MARCHF10: variants seen among roughly 807,000 people sequenced by gnomAD.
The protein encoded by MARCHF10 is probable E3 ubiquitin-protein ligase MARCHF10.
Under a neutral mutation model 76.2 loss-of-function variants are expected in MARCHF10, and 64 were observed. That is an observed-to-expected ratio of 0.84 (90% CI 0.69 to 1.03). MARCHF10 has a LOEUF of 1.03. MARCHF10 is among the 50% of genes least tolerant of loss of function. The pLI, the probability that MARCHF10 is intolerant of heterozygous loss-of-function variation, is 0.00. For synonymous variants in MARCHF10, 340 were observed against 357.5 expected (o/e 0.95, Z 0.55); for missense variants, 875 against 958.0 (o/e 0.91, Z 1.14).
At chr17:62,780,904 G>A (rs1430553011) in intron 3 of MARCHF10, 1 of 152,126 alleles carries the variant, frequency 6.6e-6, no homozygotes, top group Non-Finnish European at 1.5e-5. Context: ...CGGGGCTCCT[G>A]TCCCCTCTCT....
chr17:62,782,090 C>T (rs1276944736), intron 3 of MARCHF10, among the ~76,000 whole-genome samples: 1 of 152,110 alleles, frequency 6.6e-6, no homozygotes, highest in Non-Finnish European at 1.5e-5. Flanking sequence ...CATTCTCCTG[C>T]CCCTTTCTGA....
chr17:62,762,571 G>C (rs2092233821), intron 3 of MARCHF10, among the ~76,000 whole-genome samples: 1 of 152,184 alleles, frequency 6.6e-6, no homozygotes, highest in Non-Finnish European at 1.5e-5. Flanking sequence ...TCTGGAGACA[G>C]AGTCTTGCTC....
intron 6 of MARCHF10, among the ~76,000 whole-genome samples, chr17:62,727,015 T>C (rs1244092380): frequency 6.6e-6 from 1 of 152,212 alleles, no homozygotes; most frequent in African/African-American, 2.4e-5. Flanking sequence ...AGAAAATAAA[T>C]GACCATCAGG....
At chr17:62,740,386 C>G in intron 5 of MARCHF10, among the ~76,000 whole-genome samples, 1 of 152,260 alleles carries the variant, frequency 6.6e-6, no homozygotes, top group East Asian at 1.9e-4. Flanking sequence ...ACTATGCCTT[C>G]GACTTCTTGG....
intron 2 of MARCHF10, among the ~76,000 whole-genome samples, 192 bp from the exon 3 acceptor site, chr17:62,788,791 C>T (rs908586977): frequency 6.6e-6 from 1 of 151,784 alleles, no homozygotes; most frequent in African/African-American, 2.4e-5. Context: ...AGGCCGGGCG[C>T]GGTGGCTCAC....
intron 5 of MARCHF10, among the ~76,000 whole-genome samples, chr17:62,739,949 G>A (rs995685285): frequency 2.6e-5 from 4 of 152,104 alleles, no homozygotes; most frequent in African/African-American, 4.8e-5. Context: ...GGGTATGCGC[G>A]GTGTTGCGGC....
chr17:62,726,954 T>C (rs775185801), intron 6 of MARCHF10, among the ~76,000 whole-genome samples: 47 of 152,200 alleles, frequency 3.1e-4, no homozygotes, highest in Admixed American at 1.0e-3. Flanking sequence ...TTTAGGCAAC[T>C]ACACGGGATT....
In MARCHF10 at chr17:62,736,124, T is replaced by C. The variant is rs1321740016; in HGVS notation, c.1744A>G (p.Arg582Gly). 13 of 1,614,078 alleles carry C rather than the reference T, an allele frequency of 8.1e-6. No homozygotes were observed. Among genetic ancestry groups the C allele is most frequent in the African/African-American group, 2.7e-5 (2 of 74,922 alleles). ...TGCAAATGGCCTTCTGAGTTCATTC[T>C]TGATGGAGAGGAGCTGGAAGAATCC... is the stretch of plus-strand genomic sequence containing the variant. ...LVDSSSSSPS[R>G]MNSEGHLHVS... is the part of the protein sequence containing the mutation. Residue 582 changes from arginine to glycine, a missense_variant, in exon 6 of 11, where the codon AGA becomes GGA. Physicochemically the swap from Arg to Gly is moderately radical, Grantham distance 125. Transcript: ENST00000311269.
chr17:62,702,953 T>C (rs953584747), intron 10 of MARCHF10, among the ~76,000 whole-genome samples: 1 of 152,164 alleles, frequency 6.6e-6, no homozygotes, highest in Non-Finnish European at 1.5e-5. Flanking sequence ...GCCCCTGTCC[T>C]CATCTGTTTG....
intron 10 of MARCHF10, among the ~76,000 whole-genome samples, chr17:62,703,895 G>T (rs1183646605): frequency 6.6e-6 from 1 of 152,224 alleles, no homozygotes; most frequent in East Asian, 1.9e-4. Context: ...AGGCTCCAGG[G>T]TGTGCGGGGA....
At chr17:62,745,389 C>A (rs148063145) in intron 4 of MARCHF10, among the ~76,000 whole-genome samples, 1 of 152,144 alleles carries the variant, frequency 6.6e-6, no homozygotes, top group Non-Finnish European at 1.5e-5. Flanking sequence ...CAGGCATGAG[C>A]CACTGCGCCC....
chr17:62,743,782 A>G (rs1318241839), intron 5 of MARCHF10, among the ~76,000 whole-genome samples: 2 of 152,308 alleles, frequency 1.3e-5, no homozygotes, highest in African/African-American at 4.8e-5. Flanking sequence ...ATGAGTTCCA[A>G]GGGGGTGATA....
chr17:62,718,537 T>G lies in MARCHF10; in HGVS notation c.2214+3951A>C, dbSNP rs139294544. 3.3e-3 allele frequency among the ~76,000 whole-genome samples: 496 copies of G among 152,322 alleles called. 3 individuals are homozygous for G. The highest frequency in any genetic ancestry group is 0.011 in the African/African-American group (448 of 41,572). On this transcript the variant is annotated intron_variant, in intron 8 of 10. Coordinates refer to ENST00000311269, the MANE Select transcript of MARCHF10 (RefSeq NM_152598.4). ...AGTAGATTGCTCTGATAGATAGTAT[T>G]CTGGGCAACCCATCCTCACGTGGAC...
chr17:62,717,583 C>T (rs941553515), intron 8 of MARCHF10, among the ~76,000 whole-genome samples: 10 of 152,200 alleles, frequency 6.6e-5, no homozygotes, highest in African/African-American at 2.2e-4. Flanking sequence ...GCAGGAGACC[C>T]GAGGGCGGAG....
At chr17:62,773,852 C>T (rs1461871358) in intron 3 of MARCHF10, among the ~76,000 whole-genome samples, 1 of 152,182 alleles carries the variant, frequency 6.6e-6, no homozygotes, top group Admixed American at 6.5e-5. Context: ...GAGGCTGTGG[C>T]CTTTCAGCGG....
intron 6 of MARCHF10, among the ~76,000 whole-genome samples, chr17:62,725,407 G>T (rs1166052694): frequency 6.6e-6 from 1 of 152,172 alleles, no homozygotes; most frequent in Non-Finnish European, 1.5e-5. Context: ...TGGATTACAG[G>T]TGCATGCCAC....
rs9889540 is a variant in MARCHF10 at position 62,711,698 on chromosome 17, G to A, written c.2215-354C>T. On this transcript the variant is annotated intron_variant, in intron 8 of 10. Transcript: ENST00000311269. This position sits in a 1 kb window ranked among gnomAD's most constrained non-coding sequence, Gnocchi z 4.4. ...GCCTCAGAACTCCCTGCTGGGAACC[G>A]ATCACCTGGTGTGGGGGAGAGAGCT... Among the ~76,000 whole-genome samples the A allele has an allele frequency of 2.9e-4, 44 of 152,036 alleles. No homozygotes were observed. The highest frequency in any genetic ancestry group is 5.9e-4 in the Non-Finnish European group (40 of 67,996).
rs146939138 is a variant in MARCHF10, at chr17:62,725,017, C to G, written c.2025G>C (p.Glu675Asp). 1.9e-6 allele frequency: 3 copies of G among 1,610,608 alleles called. No individual in the cohort carries two copies. Among genetic ancestry groups the G allele is most frequent in the East Asian group, 2.2e-5 (1 of 44,694 alleles). ...GCAGGCTTCCCACACAGCCGCAAGG[C>G]TCCAGGAGGGGGTTGCTTGGGGAAC... ...AGGSPSNPLL[E>D]PCGCVGSLQF... Residue 675 changes from glutamate to aspartate, a missense_variant, in exon 7 of 11, where the codon GAG becomes GAC. By Grantham distance (45) the Glu-to-Asp change is conservative (BLOSUM62 2). Coordinates refer to ENST00000311269, the MANE Select transcript of MARCHF10 (RefSeq NM_152598.4).
intron 5 of MARCHF10, among the ~76,000 whole-genome samples, chr17:62,739,462 A>G (rs1169096965): frequency 6.7e-6 from 1 of 149,506 alleles, no homozygotes; most frequent in Non-Finnish European, 1.5e-5. Context: ...GCTCACAGAA[A>G]CCTCCACCTC....
Sources: allele counts gnomAD v4.1 joint callset (sites outside exome capture counted in the v4.1 genomes callset), GRCh38; gene constraint gnomAD v4.1.1; non-coding constraint Gnocchi (gnomAD v3.1); transcripts MANE v1.5; gene names NCBI Gene and HGNC (gene_info 2026-07-23, HGNC 2026-07-21).